Variants in PTPRD observed in about 807,000 individuals in gnomAD.
The protein encoded by PTPRD is protein tyrosine phosphatase receptor type D, also known as receptor-type tyrosine-protein phosphatase delta.
A neutral mutation model predicts 214.5 loss-of-function variants in PTPRD; 34 were observed. The observed-to-expected ratio is 0.16, with a 90% CI of 0.12 to 0.21. The LOEUF (loss-of-function observed/expected upper bound fraction) is 0.21. PTPRD is among the 10% of genes least tolerant of loss of function. The pLI is 1.00. For missense variants in PTPRD, 2,545 were observed against 2,398.7 expected (o/e 1.06, Z -1.27); for synonymous variants, 1,128 against 845.7 (o/e 1.33, Z -5.79).
At chr9:9,540,141 T>C (rs16929713) in intron 8 of PTPRD, among the ~76,000 whole-genome samples, 35,134 of 151,732 alleles carry the variant, frequency 0.23, 4,396 homozygotes, top group Non-Finnish European at 0.26. Context: ...TTTGCATTCA[T>C]AACTTTGGCA....
At chr9:10,126,201 G>C (rs159224) in intron 3 of PTPRD, among the ~76,000 whole-genome samples, 1 of 151,784 alleles carries the variant, frequency 6.6e-6, no homozygotes, top group Non-Finnish European at 1.5e-5. Flanking sequence ...TTGAGAAATA[G>C]TGAGCTCGAT....
At chr9:10,086,607 T>C (rs2098342307) in intron 3 of PTPRD, among the ~76,000 whole-genome samples, 1 of 151,828 alleles carries the variant, frequency 6.6e-6, no homozygotes, top group African/African-American at 2.4e-5. Flanking sequence ...TGTTCCTTCC[T>C]GATTGTGAGG....
chr9:8,345,888 G>A (rs539311197), intron 39 of PTPRD, among the ~76,000 whole-genome samples: 6 of 151,910 alleles, frequency 3.9e-5, no homozygotes, highest in East Asian at 1.9e-4. Flanking sequence ...TCAATTTCAC[G>A]GATTACATAT....
chr9:10,516,000 C>T (rs928339904), intron 2 of PTPRD, among the ~76,000 whole-genome samples: 7 of 151,864 alleles, frequency 4.6e-5, no homozygotes, highest in Non-Finnish European at 8.8e-5. Flanking sequence ...GTTGTTTCCA[C>T]ATGTTTGTTA....
intron 44 of PTPRD, among the ~76,000 whole-genome samples, chr9:8,330,057 G>A (rs1269062956): frequency 1.3e-5 from 2 of 152,164 alleles, no homozygotes; most frequent in African/African-American, 2.4e-5. Context: ...TGCGGGAGAA[G>A]TGCAGTATCT....
chr9:10,206,787 A>G (rs1431192254), intron 3 of PTPRD, among the ~76,000 whole-genome samples: 2 of 152,210 alleles, frequency 1.3e-5, no homozygotes, highest in Admixed American at 6.5e-5. Flanking sequence ...GGACACACAG[A>G]CTTATAAATC....
At chr9:10,604,058 A>G (rs762950293) in intron 2 of PTPRD, among the ~76,000 whole-genome samples, 11 of 151,832 alleles carry the variant, frequency 7.2e-5, no homozygotes, top group Non-Finnish European at 1.6e-4. Flanking sequence ...GCTCCCTATG[A>G]AGTTAAAAAA....
At chr9:9,446,949 T>A (rs1015862271) in intron 8 of PTPRD, among the ~76,000 whole-genome samples, 1 of 151,962 alleles carries the variant, frequency 6.6e-6, no homozygotes, top group Non-Finnish European at 1.5e-5. Flanking sequence ...GAAATGCAAA[T>A]CAAAACCACA....
rs182638102 is a variant in PTPRD at position 8,884,819 on chromosome 9, G to A, written c.-104+133878C>T. 3.6e-4 allele frequency among the ~76,000 whole-genome samples: 55 copies of A among 152,276 alleles called. No homozygotes were observed. In the East Asian group the frequency reaches 8.9e-3, roughly 25 times the overall value. ...TATGAACCATTCATTCATTTCACAA[G>A]TATCTGTGGAGGGCCCACTATGTGT... On this transcript the variant is annotated intron_variant, in intron 11 of 45. Coordinates refer to ENST00000381196, the MANE Select transcript of PTPRD (RefSeq NM_002839.4).
intron 3 of PTPRD, among the ~76,000 whole-genome samples, chr9:10,302,120 C>T (rs2095878713): frequency 1.3e-5 from 2 of 152,038 alleles, no homozygotes; most frequent in Admixed American, 6.6e-5. Context: ...CAATATTCAA[C>T]ATTCTTAAAG....
intron 12 of PTPRD, among the ~76,000 whole-genome samples, chr9:8,732,689 A>G (rs1016102112): frequency 6.6e-5 from 10 of 152,192 alleles, no homozygotes; most frequent in Admixed American, 4.6e-4. Context: ...GTATCTTCTT[A>G]TTAATGTTAT....
chr9:9,381,424 A>G (rs2062204346), intron 9 of PTPRD, among the ~76,000 whole-genome samples: 1 of 149,490 alleles, frequency 6.7e-6, no homozygotes, highest in Non-Finnish European at 1.5e-5. Context: ...GCAGTGGCAT[A>G]ATCACAGCTC....
intron 9 of PTPRD, among the ~76,000 whole-genome samples, chr9:9,193,221 CT>C (rs2099936308): frequency 6.6e-6 from 1 of 152,162 alleles, no homozygotes; most frequent in Non-Finnish European, 1.5e-5. Context: ...ATAAATATCA[CT>C]GATATGGAGT....
chr9:9,325,878 G>A (rs977398611), intron 9 of PTPRD, among the ~76,000 whole-genome samples: 2 of 152,088 alleles, frequency 1.3e-5, no homozygotes, highest in Admixed American at 1.3e-4. Flanking sequence ...TCAATACTTA[G>A]TTTATTGAGA....
At chr9:10,251,119 C>T (rs760006642) in intron 3 of PTPRD, among the ~76,000 whole-genome samples, 1 of 151,948 alleles carries the variant, frequency 6.6e-6, no homozygotes, top group Non-Finnish European at 1.5e-5. Flanking sequence ...TTAAAATTAA[C>T]AGAAAAACAA....
chr9:8,527,619 C>G (rs1430471824), intron 15 of PTPRD, among the ~76,000 whole-genome samples: 1 of 152,056 alleles, frequency 6.6e-6, no homozygotes, highest in Non-Finnish European at 1.5e-5. Context: ...AGTTAAACAA[C>G]TTAGAATTCT....
chr9:8,509,592 G>C (rs1204422091), intron 21 of PTPRD, among the ~76,000 whole-genome samples: 2 of 152,154 alleles, frequency 1.3e-5, no homozygotes, highest in African/African-American at 2.4e-5. Flanking sequence ...TTTCTTCCCT[G>C]CCTAATGCTA....
intron 11 of PTPRD, among the ~76,000 whole-genome samples, chr9:8,973,041 A>G (rs914634105): frequency 1.3e-5 from 2 of 151,942 alleles, no homozygotes; most frequent in South Asian, 2.1e-4. Flanking sequence ...TAGCTGAAAG[A>G]TATTATTGAG....
chr9:8,874,648 T>C (rs1012019021), intron 11 of PTPRD, among the ~76,000 whole-genome samples: 12 of 152,308 alleles, frequency 7.9e-5, no homozygotes, highest in African/African-American at 2.4e-4. Flanking sequence ...GGAAATTGCA[T>C]TGGAGTTGAG....
Sources: allele counts gnomAD v4.1 joint callset (sites outside exome capture counted in the v4.1 genomes callset), GRCh38; gene constraint gnomAD v4.1.1; transcripts MANE v1.5; gene names NCBI Gene and HGNC (gene_info 2026-07-23, HGNC 2026-07-21).